Variants in RSF1 observed in about 807,000 individuals in gnomAD.
The protein encoded by RSF1 is HBV pX-associated protein 8.
In RSF1, 13 loss-of-function variants were observed where a neutral mutation model predicts 145.2. The ratio of observed to expected loss-of-function variants is 0.09; its 90% CI spans 0.06 to 0.14. RSF1 has a LOEUF of 0.14. Ranked by LOEUF, RSF1 falls within the 10% of genes least tolerant of loss-of-function variation. RSF1 has a pLI of 1.00. For synonymous variants in RSF1, 577 were observed against 592.6 expected, an observed-to-expected ratio of 0.97 and a Z score of 0.38; for missense variants, 1,517 against 1,718.2, an observed-to-expected ratio of 0.88 and a Z score of 2.07.
At chr11:77,725,005 G>A (rs955486985) in intron 5 of RSF1, among the ~76,000 whole-genome samples, 2 of 152,148 alleles carry the variant, frequency 1.3e-5, no homozygotes, top group African/African-American at 4.8e-5. Context: ...CAAGCATTAT[G>A]ATTCCTCGGA....
At chr11:77,860,885 T>C in the RSF1 span, among the ~76,000 whole-genome samples, 2 of 152,194 alleles carry the variant, frequency 1.3e-5, no homozygotes. Flanking sequence ...GCCTCACTGA[T>C]AATCCTGAGA....
intron 1 of RSF1, among the ~76,000 whole-genome samples, chr11:77,779,355 ACCACTATG>A (rs572721181): frequency 3.2e-4 from 48 of 151,256 alleles, no homozygotes; most frequent in Non-Finnish European, 6.5e-4. Flanking sequence ...CTATAGGCAC[ACCACTATG>A]CCTTGCTATT....
At chr11:77,738,044 G>C (rs983619467) in intron 4 of RSF1, among the ~76,000 whole-genome samples, 4 of 152,228 alleles carry the variant, frequency 2.6e-5, no homozygotes, top group Non-Finnish European at 5.9e-5. Context: ...CAGAAGAATG[G>C]CGTGAACCCG....
chr11:77,761,444 C>A (rs780563539), intron 2 of RSF1, among the ~76,000 whole-genome samples: 1 of 151,476 alleles, frequency 6.6e-6, no homozygotes, highest in Non-Finnish European at 1.5e-5. Flanking sequence ...AAATCAAGTG[C>A]GATTTCTTTT....
Position 77,811,801 on chromosome 11 carries a change from G to A in RSF1, c.187+8727C>T, listed in dbSNP as rs113882440. Among the ~76,000 whole-genome samples the A allele has an allele frequency of 4.1e-4, 63 of 152,282 alleles. 1 individual carries two copies. Among genetic ancestry groups the A allele is most frequent in the African/African-American group, 1.5e-3 (61 of 41,552 alleles). On this transcript the variant is annotated intron_variant, in intron 1 of 15. Coordinates refer to ENST00000308488, the MANE Select transcript of RSF1 (RefSeq NM_016578.4). The stretch of plus-strand genomic sequence containing the variant: ...AGAAAGTGTCAGAGGCTAAGGTCTA[G>A]GATGCCTCCTTGGTTTCTGATCTGA...
At chr11:77,861,042 G>C in the RSF1 span, among the ~76,000 whole-genome samples, 3 of 152,134 alleles carry the variant, frequency 2.0e-5, no homozygotes, top group Non-Finnish European at 4.4e-5. Context: ...GTCTAAGCGG[G>C]TATTGCCTTT....
In RSF1 at chr11:77,702,144, T is replaced by A. The variant is rs1353789956; in HGVS notation, c.1085A>T (p.Glu362Val). The change falls in exon 6 of 16, where the codon GAA becomes GTA. Residue 362 changes from glutamate to valine, a missense_variant. Physicochemically the swap from Glu to Val is moderately radical, Grantham distance 121. Around this residue, in one of 12 missense-constraint regions of RSF1, gnomAD observed 207 missense variants for 191.4 expected, o/e 1.08. Transcript: ENST00000308488. ...TTCTTCAGTAGATTTCTCAGTAATT[T>A]CGTGAGAAGATTTAATATTGCCACC... The part of the protein sequence containing the change: ...EFGGNIKSSH[E>V]ITEKSTEETE... 1.2e-6 allele frequency: 2 copies of A among 1,613,956 alleles called. No homozygotes were observed. The highest frequency in any genetic ancestry group is 1.7e-6 in the Non-Finnish European group (2 of 1,179,936).
At chr11:77,714,223 G>C (rs556232684) in intron 5 of RSF1, among the ~76,000 whole-genome samples, 1 of 152,256 alleles carries the variant, frequency 6.6e-6, no homozygotes, top group African/African-American at 2.4e-5. Flanking sequence ...GAAAGGCTTT[G>C]GGTGGTGAGG....
rs398045289 is a variant in RSF1 at position 77,729,895 on chromosome 11, C to CAAAAAAAAAAAAAAAAAA, written c.579-4214_579-4197dup. 1.2e-3 allele frequency among the ~76,000 whole-genome samples: 59 copies of CAAAAAAAAAAAAAAAAAA among 48,934 alleles called. 7 individuals carry two copies. Among genetic ancestry groups the CAAAAAAAAAAAAAAAAAA allele is most frequent in the Admixed American group, 2.1e-3 (8 of 3,866 alleles). 32.1% of individuals were successfully genotyped at this position (48,934 alleles called of 152,430 possible). ...TATAAATGCCAAATTATTCAGTAGG[C>CAAAAAAAAAAAAAAAAAA]AAAAAAAAAAAAAAAAAAAAAAAAA... On this transcript the variant is annotated intron_variant, in intron 4 of 15. Transcript: ENST00000308488.
chr11:77,699,287 A>G (rs947431968), intron 6 of RSF1, among the ~76,000 whole-genome samples: 5 of 152,208 alleles, frequency 3.3e-5, no homozygotes, highest in African/African-American at 9.6e-5. Flanking sequence ...AAATATATAC[A>G]TTCAGAGAGC....
chr11:77,694,221 T>A (rs184219239), intron 7 of RSF1, among the ~76,000 whole-genome samples: 345 of 152,342 alleles, frequency 2.3e-3, no homozygotes, highest in African/African-American at 7.9e-3. Flanking sequence ...ATATTCCTTA[T>A]AACAAAGTTT....
chr11:77,767,071 G>A (rs1394667609), intron 1 of RSF1, among the ~76,000 whole-genome samples: 1 of 152,134 alleles, frequency 6.6e-6, no homozygotes, highest in African/African-American at 2.4e-5. Flanking sequence ...GGGGACAATG[G>A]TTCTGGTCAA....
At chr11:77,792,622 CT>C (rs1203184714) in intron 1 of RSF1, among the ~76,000 whole-genome samples, 1 of 152,064 alleles carries the variant, frequency 6.6e-6, no homozygotes, top group Non-Finnish European at 1.5e-5. Context: ...ACAGGTACCC[CT>C]GACGTTGTTT....
At chr11:77,723,818 A>G (rs1960991133) in intron 5 of RSF1, among the ~76,000 whole-genome samples, 1 of 152,244 alleles carries the variant, frequency 6.6e-6, no homozygotes, top group African/African-American at 2.4e-5. Context: ...AGAAAACATA[A>G]TAAGGAAAGC....
At chr11:77,845,486 C>T in the RSF1 span, among the ~76,000 whole-genome samples, 2 of 151,778 alleles carry the variant, frequency 1.3e-5, no homozygotes, top group Non-Finnish European at 2.9e-5. Context: ...GCTGGAGTGC[C>T]GTGGCACAAT....
intron 5 of RSF1, among the ~76,000 whole-genome samples, chr11:77,720,012 A>G (rs1009472005): frequency 4.6e-5 from 7 of 152,198 alleles, no homozygotes; most frequent in African/African-American, 1.7e-4. Flanking sequence ...AAGTGGGTAC[A>G]GAGTTTCTTT....
intron 1 of RSF1, among the ~76,000 whole-genome samples, chr11:77,774,205 A>C (rs1036269408): frequency 6.6e-6 from 1 of 152,200 alleles, no homozygotes; most frequent in Non-Finnish European, 1.5e-5. Context: ...GTAGACACTC[A>C]ATTATTTGAT....
intron 4 of RSF1, 122 bp downstream of exon 4, chr11:77,740,609 G>A: frequency 1.2e-6 from 1 of 806,814 alleles, no homozygotes; most frequent in African/African-American, 1.7e-5. Context: ...GTGAGGCCTT[G>A]ACAACTCCCA....
chr11:77,679,762 C>T (rs11237268), intron 11 of RSF1, among the ~76,000 whole-genome samples: 3 of 151,442 alleles, frequency 2.0e-5, no homozygotes, highest in Non-Finnish European at 4.4e-5. Context: ...GAAATTCATA[C>T]ACAAATGGTT....
Sources: allele counts gnomAD v4.1 joint callset (sites outside exome capture counted in the v4.1 genomes callset), GRCh38; gene constraint gnomAD v4.1.1; regional missense constraint gnomAD v4.1.1; transcripts MANE v1.5; gene names NCBI Gene and HGNC (gene_info 2026-07-23, HGNC 2026-07-21).